FRMPD4: variants seen among roughly 807,000 people sequenced by gnomAD.
FRMPD4 encodes the protein FERM and PDZ domain containing 4.
FRMPD4 carries 22 observed loss-of-function variants against 94.1 expected under a neutral mutation model. The ratio of observed to expected loss-of-function variants is 0.23; its 90% confidence interval spans 0.17 to 0.33. FRMPD4 has a LOEUF of 0.33. FRMPD4 is among the 10% of genes least tolerant of loss of function. The pLI is 1.00. For synonymous variants in FRMPD4, 631 were observed against 548.6 expected, an observed-to-expected ratio of 1.15 and a Z score of -2.10; for missense variants, 1,111 against 1,339.9, an observed-to-expected ratio of 0.83 and a Z score of 2.67.
chrX:12,498,594 C>A, intron 1 of FRMPD4, 86 bp from the exon 2 acceptor site: 1 of 585,821 alleles, frequency 1.7e-6, no homozygotes, highest in East Asian at 3.3e-5. Context: ...CTAAGAGGAG[C>A]AAGTCACATT....
intron 1 of FRMPD4, among the ~76,000 whole-genome samples, chrX:12,334,747 T>C (rs966305760): frequency 1.8e-5 from 2 of 111,628 alleles, no homozygotes; most frequent in African/African-American, 6.5e-5. Context: ...ATGTGCCCAC[T>C]GTACTGTGAG....
intron 3 of FRMPD4, among the ~76,000 whole-genome samples, chrX:11,946,346 G>A (rs896500133): frequency 6.3e-5 from 7 of 111,785 alleles, no homozygotes; most frequent in Non-Finnish European, 1.1e-4. Flanking sequence ...CTAGCCCTCC[G>A]TCCTCTAGAC....
intron 3 of FRMPD4, among the ~76,000 whole-genome samples, chrX:11,949,779 C>A (rs188977387): frequency 1.3e-4 from 15 of 111,462 alleles, no homozygotes; most frequent in Middle Eastern, 4.6e-3. Context: ...ATCTGGGGCT[C>A]CTCTACTTGC....
intron 12 of FRMPD4, 42 bp from the exon 13 acceptor site, chrX:12,707,427 C>G (rs1053036213): frequency 2.0e-6 from 2 of 1,016,805 alleles, no homozygotes; most frequent in African/African-American, 3.8e-5. Context: ...CATAGCATTT[C>G]AGAGGTTCAG....
At chrX:12,386,316 C>G (rs1219723171) in intron 1 of FRMPD4, among the ~76,000 whole-genome samples, 1 of 112,278 alleles carries the variant, frequency 8.9e-6, no homozygotes. Context: ...GGAGAGTTGG[C>G]ACCCAAATAC....
At chrX:12,320,411 G>T (rs746110415) in intron 1 of FRMPD4, among the ~76,000 whole-genome samples, 1 of 111,333 alleles carries the variant, frequency 9.0e-6, no homozygotes, top group South Asian at 3.8e-4. Context: ...GAGTAAAAAT[G>T]CAAGTCTCTA....
At chrX:12,037,462 A>G (rs748996025) in intron 3 of FRMPD4, among the ~76,000 whole-genome samples, 19 of 111,404 alleles carry the variant, frequency 1.7e-4, no homozygotes, top group Non-Finnish European at 3.2e-4. Flanking sequence ...GTGAGTTTGC[A>G]TTTTCCACGG....
At chrX:12,632,081 A>G (rs1490334059) in intron 4 of FRMPD4, among the ~76,000 whole-genome samples, 2 of 111,845 alleles carry the variant, frequency 1.8e-5, no homozygotes, top group Non-Finnish European at 3.8e-5. Context: ...CATTATGTGC[A>G]TGATTTACAT....
chrX:12,557,191 A>C (rs1391674787), intron 2 of FRMPD4, among the ~76,000 whole-genome samples: 1 of 111,751 alleles, frequency 8.9e-6, no homozygotes, highest in African/African-American at 3.3e-5. Flanking sequence ...TTTATATACC[A>C]TCTTGAGGTT....
chrX:12,146,953 T>C (rs771893624), intron 1 of FRMPD4, among the ~76,000 whole-genome samples: 45 of 112,111 alleles, frequency 4.0e-4, no homozygotes, highest in South Asian at 1.1e-3. Flanking sequence ...TGGTAGAAGA[T>C]TGGGTGACAG....
At chrX:12,228,130 G>GT (rs2056944576) in intron 1 of FRMPD4, among the ~76,000 whole-genome samples, 1 of 112,234 alleles carries the variant, frequency 8.9e-6, no homozygotes, top group Non-Finnish European at 1.9e-5. Context: ...TACCAAAGAG[G>GT]AAACCTTTGG....
chrX:12,660,331 G>A (rs1467391384), intron 4 of FRMPD4, among the ~76,000 whole-genome samples: 1 of 111,901 alleles, frequency 8.9e-6, no homozygotes, highest in Admixed American at 9.5e-5. Context: ...AGCATTTTTA[G>A]TCCAAGACAC....
At chrX:11,930,219 A>G (rs752661854) in intron 3 of FRMPD4, among the ~76,000 whole-genome samples, 1 of 110,205 alleles carries the variant, frequency 9.1e-6, no homozygotes, top group South Asian at 4.0e-4. Flanking sequence ...ACGTGGCCCA[A>G]TCACAGCCTG....
At chrX:12,305,725 G>GTTTTTTTTTTTTTTTTTTTTT (rs58794898) in intron 1 of FRMPD4, among the ~76,000 whole-genome samples, 6 of 59,697 alleles carry the variant, frequency 1.0e-4, no homozygotes, top group African/African-American at 3.0e-4. Flanking sequence ...AGCTGGCTAA[G>GTTTTTTTTTTTTTTTTTTTTT]TTTTTTTTTT....
intron 2 of FRMPD4, among the ~76,000 whole-genome samples, chrX:11,875,316 TTG>T (rs1257991243): frequency 7.1e-5 from 8 of 112,204 alleles, no homozygotes; most frequent in African/African-American, 2.6e-4. Flanking sequence ...TCTTTCATAT[TTG>T]CTGCTGTGCA....
chrX:12,112,730 A>G (rs1013792068), intron 3 of FRMPD4, among the ~76,000 whole-genome samples: 1 of 111,495 alleles, frequency 9.0e-6, no homozygotes, highest in Admixed American at 9.5e-5. Context: ...TATACTTTTT[A>G]AATAGTATGT....
At chrX:12,575,874 C>A (rs897588941) in intron 2 of FRMPD4, among the ~76,000 whole-genome samples, 8 of 112,131 alleles carry the variant, frequency 7.1e-5, no homozygotes, top group East Asian at 5.6e-4. Context: ...CAGACTCCCC[C>A]CTAGGGCCTT....
chrX:12,299,016 A>G (rs1333737362), intron 1 of FRMPD4, among the ~76,000 whole-genome samples: 1 of 111,973 alleles, frequency 8.9e-6, no homozygotes, highest in African/African-American at 3.2e-5. Flanking sequence ...CACCCAAGCA[A>G]CAGTGGAAAT....
At chrX:12,564,729 G>A (rs1448791097) in intron 2 of FRMPD4, among the ~76,000 whole-genome samples, 2 of 111,150 alleles carry the variant, frequency 1.8e-5, no homozygotes, top group Non-Finnish European at 3.8e-5. Context: ...ACAAAAGGAA[G>A]CAGAGATCCC....
Sources: allele counts gnomAD v4.1 joint callset (sites outside exome capture counted in the v4.1 genomes callset), GRCh38; gene constraint gnomAD v4.1.1; transcripts MANE v1.5; gene names NCBI Gene and HGNC (gene_info 2026-07-23, HGNC 2026-07-21).